YIPF5: variants seen among roughly 807,000 people sequenced by gnomAD.
YIPF5 encodes the protein protein YIPF5.
YIPF5 carries 8 observed loss-of-function variants against 30.4 expected under a neutral mutation model. The ratio of observed to expected loss-of-function variants is 0.26; its 90% CI spans 0.15 to 0.47. The LOEUF is 0.47. Among genes scored for constraint, YIPF5 ranks in the 20% least tolerant of loss-of-function variants. YIPF5 has a pLI of 0.99. For synonymous variants in YIPF5, 104 were observed against 107.9 expected, an observed-to-expected ratio of 0.96 and a Z score of 0.23; for missense variants, 282 against 301.8, an observed-to-expected ratio of 0.93 and a Z score of 0.49.
intron 2 of YIPF5, 107 bp downstream of exon 2, chr5:144,169,738 TC>T (rs1421603473): frequency 5.7e-6 from 5 of 881,048 alleles, no homozygotes; most frequent in Non-Finnish European, 9.0e-6. Flanking sequence ...AAGATCATAC[TC>T]CTGATAAAGG....
rs1457302101 is a variant in YIPF5, at chr5:144,159,898, C to T, written c.*499G>A. The T allele has an allele frequency of 2.9e-5, 20 of 687,908 alleles. No individual in the cohort carries two copies. The highest frequency in any genetic ancestry group is 7.3e-4 in the Middle Eastern group (1 of 1,374). 42.6% of individuals were successfully genotyped at this position (687,908 alleles called of 1,614,324 possible). On this transcript the variant is annotated 3_prime_UTR_variant, in exon 6 of 6. Transcript: ENST00000274496. ...ATTTTTTTTGTAGTTTTAGTAGAGTCGGGGTTTCACCGTGTTAACCAGGAT... is the reference window on the plus strand; with the variant it reads ...ATTTTTTTTGTAGTTTTAGTAGAGTTGGGGTTTCACCGTGTTAACCAGGAT...
In YIPF5 at chr5:144,159,868, A is replaced by G. The variant is rs939222558; in HGVS notation, c.*529T>C. The G allele has an allele frequency of 1.2e-5, 7 of 574,706 alleles. No individual in the cohort carries two copies. Among genetic ancestry groups the G allele is most frequent in the Non-Finnish European group, 1.5e-5 (7 of 468,066 alleles). 35.6% of individuals were successfully genotyped at this position (574,706 alleles called of 1,614,324 possible). ...ACTACAGGCGCCCGCCACCACGCCCAGCTAATTTTTTTTGTAGTTTTAGTA... is the reference window on the plus strand; with the variant it reads ...ACTACAGGCGCCCGCCACCACGCCCGGCTAATTTTTTTTGTAGTTTTAGTA... On this transcript the variant is annotated 3_prime_UTR_variant, in exon 6 of 6. Transcript: ENST00000274496.
In YIPF5 at chr5:144,160,137, C is replaced by A. The variant is rs1007159863; in HGVS notation, c.*260G>T. 7.5e-5 allele frequency: 87 copies of A among 1,160,970 alleles called. No homozygotes were observed. The highest frequency in any genetic ancestry group is 6.9e-4 in the Middle Eastern group (2 of 2,888). 71.9% of individuals were successfully genotyped at this position (1,160,970 alleles called of 1,614,324 possible). A position where few individuals can be genotyped will look rare whatever the true frequency, so the allele number is the denominator to read the frequency against. ...TGCAAGGAAAAAGGTTTTTCAATGG[C>A]TGCAGGAACCAGAAAGAAATAGCAT... On this transcript the variant is annotated 3_prime_UTR_variant, in exon 6 of 6. Transcript: ENST00000274496.
Position 144,160,170 on chromosome 5 carries a change from C to G in YIPF5, c.*227G>C, listed in dbSNP as rs1424803199. The G allele has an allele frequency of 1.8e-5, 22 of 1,216,470 alleles. No individual in the cohort carries two copies. The highest frequency in any genetic ancestry group is 8.4e-5 in the Admixed American group (2 of 23,796). 75.4% of individuals were successfully genotyped at this position (1,216,470 alleles called of 1,614,324 possible). A position where few individuals can be genotyped will look rare whatever the true frequency, so the allele number is the denominator to read the frequency against. On this transcript the variant is annotated 3_prime_UTR_variant, in exon 6 of 6. Coordinates refer to ENST00000274496, the MANE Select transcript of YIPF5 (RefSeq NM_030799.9). ...ACCAGAAAGAAATAGCATTTCTTAT[C>G]TGTATAAACACAAACATTTAAAGCT...
intron 2 of YIPF5, among the ~76,000 whole-genome samples, chr5:144,169,380 C>T (rs900009667): frequency 6.6e-6 from 1 of 152,128 alleles, no homozygotes; most frequent in African/African-American, 2.4e-5. Context: ...GTATGAAAAT[C>T]GCCTGATGAT....
Position 144,164,146 on chromosome 5 carries a change from C to A in YIPF5, c.394G>T (p.Val132Phe), listed in dbSNP as rs767399564. 2 of 1,613,244 alleles carry A rather than the reference C, an allele frequency of 1.2e-6. No homozygotes were observed. The highest frequency in any genetic ancestry group is 1.1e-5 in the South Asian group (1 of 90,946). The change falls in exon 4 of 6, where the codon GTT becomes TTT. Residue 132 changes from valine (V) to phenylalanine (F), a missense_variant. Val to Phe is a conservative substitution (Grantham distance 50). Transcript: ENST00000274496. ...MNETDLAGPMVFCLAFGATLL... is the reference protein window; with the variant it reads ...MNETDLAGPMFFCLAFGATLL... ...GTGGCTCCAAAAGCAAGGCAAAAAA[C>A]CATTGGACCTGCCAAATCAGTTTCA...
Position 144,159,429 on chromosome 5 carries a change from C to A in YIPF5, c.*968G>T. The A allele has an allele frequency of 1.0e-6, 1 of 985,286 alleles. No individual in the cohort carries two copies. The highest frequency in any genetic ancestry group is 1.1e-4 in the East Asian group (1 of 8,808). The allele number at this position is 985,286 out of a possible 1,614,324, so 61.0% of individuals were successfully genotyped here. A position where few individuals can be genotyped will look rare whatever the true frequency, so the allele number is the denominator to read the frequency against. ...CGATCCAACGATTATAGCATTAATGCAACCATTCCAGGTCCCTAAGGTTGA... is the reference window on the plus strand; with the variant it reads ...CGATCCAACGATTATAGCATTAATGAAACCATTCCAGGTCCCTAAGGTTGA... On this transcript the variant is annotated 3_prime_UTR_variant, in exon 6 of 6. Transcript: ENST00000274496.
At chr5:144,160,635 CCTATT>C in intron 5 of YIPF5, 76 bp from the exon 6 acceptor site, 5 of 1,231,942 alleles carry the variant, frequency 4.1e-6, no homozygotes, top group Non-Finnish European at 4.4e-6. Flanking sequence ...ACTACAATAA[CCTATT>C]CTAAAGCATT....
In YIPF5 at chr5:144,162,414, G is replaced by C. The variant is rs774647466; in HGVS notation, c.430-15C>G. ...ATTTTGCCAGCCTATGGGTAAAGAA[G>C]ATTACAGGTTAAAGGGCAAAAAATA... On this transcript the variant is annotated splice_polypyrimidine_tract_variant and intron_variant, in intron 4 of 5. Coordinates refer to ENST00000274496, the MANE Select transcript of YIPF5 (RefSeq NM_030799.9). 4 of 1,602,944 alleles carry C rather than the reference G, an allele frequency of 2.5e-6. No homozygotes were observed. The Admixed American group carries it at 6.8e-5, about 27-fold the overall frequency.
chr5:144,170,452 G>C (rs910984300), intron 1 of YIPF5, 83 bp downstream of exon 1: 3 of 165,130 alleles, frequency 1.8e-5, no homozygotes, highest in African/African-American at 7.2e-5. Flanking sequence ...GGACCAGGGC[G>C]CGGCGCCGAA....
At chr5:144,166,784 T>C (rs1722700838) in intron 2 of YIPF5, among the ~76,000 whole-genome samples, 1 of 152,146 alleles carries the variant, frequency 6.6e-6, no homozygotes, top group African/African-American at 2.4e-5. Context: ...AAGAAATATA[T>C]GTACTAAAGG....
chr5:144,169,550 CCAT>C (rs530665854), intron 2 of YIPF5, among the ~76,000 whole-genome samples: 147 of 152,288 alleles, frequency 9.7e-4, no homozygotes, highest in African/African-American at 3.2e-3. Context: ...CCTGAAGCTC[CCAT>C]CATCTTCTAA....
At chr5:144,168,178 G>A (rs1016995143) in intron 2 of YIPF5, among the ~76,000 whole-genome samples, 1 of 152,162 alleles carries the variant, frequency 6.6e-6, no homozygotes, top group African/African-American at 2.4e-5. Context: ...TTGGCAACAG[G>A]TGCTAACCAG....
At chr5:144,169,162 AGAT>A (rs1430934223) in intron 2 of YIPF5, among the ~76,000 whole-genome samples, 1 of 152,184 alleles carries the variant, frequency 6.6e-6, no homozygotes, top group Non-Finnish European at 1.5e-5. Flanking sequence ...GAAACTAAGG[AGAT>A]GATGTTTTAG....
At position 144,164,125 on chromosome 5, in the gene YIPF5, C is replaced by T. The variant is rs1752130214; in HGVS notation, c.415G>A (p.Ala139Thr). 9.3e-6 allele frequency: 15 copies of T among 1,612,658 alleles called. No individual in the cohort carries two copies. The highest frequency in any genetic ancestry group is 1.2e-5 in the Non-Finnish European group (14 of 1,179,588). The change falls in exon 4 of 6, where the codon GCC (alanine) becomes ACC (threonine). Residue 139 changes from alanine to threonine, a missense_variant. Transcript: ENST00000274496. ...GAAAATCTTACCAGTAGCAATGTGG[C>T]TCCAAAAGCAAGGCAAAAAACCATT... ...GPMVFCLAFGATLLLAGKIQF... is the reference protein window; with the variant it reads ...GPMVFCLAFGTTLLLAGKIQF...
At chr5:144,168,236 G>T (rs111603606) in intron 2 of YIPF5, among the ~76,000 whole-genome samples, 2 of 152,238 alleles carry the variant, frequency 1.3e-5, no homozygotes, top group East Asian at 1.9e-4. Context: ...GAACTGAAAT[G>T]ACTGTTAAAG....
In YIPF5 at chr5:144,162,207, A is replaced by T. The variant is rs530900080; in HGVS notation, c.611+11T>A. ...GGTCAATCAACCCCCAAAATAAAGA[A>T]CAGTACTTACTGCAAAGAAAATATC... On this transcript the variant is annotated intron_variant, in intron 5 of 5. Coordinates refer to ENST00000274496, the MANE Select transcript of YIPF5 (RefSeq NM_030799.9). 6.2e-7 allele frequency: 1 copy of T among 1,611,984 alleles called. No individual in the cohort carries two copies. Among genetic ancestry groups the T allele is most frequent in the South Asian group, 1.1e-5 (1 of 90,796 alleles).
intron 5 of YIPF5, among the ~76,000 whole-genome samples, 170 bp from the exon 6 acceptor site, chr5:144,160,729 C>T (rs1040106699): frequency 6.6e-6 from 1 of 151,772 alleles, no homozygotes; most frequent in Non-Finnish European, 1.5e-5. Context: ...TAAAATGTAC[C>T]TCACAGTAAA....
intron 2 of YIPF5, among the ~76,000 whole-genome samples, chr5:144,168,888 C>T (rs1314756542): frequency 1.3e-5 from 2 of 152,196 alleles, no homozygotes; most frequent in Admixed American, 6.5e-5. Flanking sequence ...ACATAACCTT[C>T]CCCTGCCCTC....
Sources: gnomAD v4.1 joint callset for allele counts (sites outside exome capture counted in the v4.1 genomes callset) on GRCh38, gnomAD v4.1.1 for gene constraint, MANE v1.5 for transcripts, NCBI Gene and HGNC (gene_info 2026-07-23, HGNC 2026-07-21) for gene names.